The following ARID4B variants were observed in gnomAD, a reference collection of about 807,000 sequenced individuals.
The protein encoded by ARID4B is AT-rich interaction domain 4B.
A neutral mutation model predicts 147.5 loss-of-function variants in ARID4B; 26 were observed. The ratio of observed to expected loss-of-function variants is 0.18; its 90% CI spans 0.13 to 0.24. The LOEUF (loss-of-function observed/expected upper bound fraction) is 0.24. Among genes scored for constraint, ARID4B ranks in the 10% least tolerant of loss-of-function variants. ARID4B has a pLI of 1.00. For synonymous variants in ARID4B, 512 were observed against 507.9 expected, an observed-to-expected ratio of 1.01 and a Z score of -0.11; for missense variants, 1,179 against 1,511.5, an observed-to-expected ratio of 0.78 and a Z score of 3.65.
At chr1:235,255,285 C>A (rs57706087) in intron 5 of ARID4B, among the ~76,000 whole-genome samples, 5,441 of 96,988 alleles carry the variant, frequency 0.056, 134 homozygotes, top group South Asian at 0.082. Context: ...CTCTCTCTCT[C>A]TCTATATATA....
intron 2 of ARID4B, among the ~76,000 whole-genome samples, chr1:235,286,663 G>T (rs1394813068): frequency 6.6e-6 from 1 of 152,144 alleles, no homozygotes; most frequent in Non-Finnish European, 1.5e-5. Context: ...ATAGAAAGCT[G>T]CAATTATTAA....
intron 6 of ARID4B, 55 bp downstream of exon 6, chr1:235,252,675 T>C: frequency 1.3e-6 from 2 of 1,530,994 alleles, no homozygotes; most frequent in Non-Finnish European, 1.8e-6. Flanking sequence ...AGCAAAAATT[T>C]ATTCCTCCCA....
intron 2 of ARID4B, among the ~76,000 whole-genome samples, chr1:235,286,997 C>T (rs192392011): frequency 4.6e-5 from 7 of 152,270 alleles, no homozygotes; most frequent in Non-Finnish European, 7.3e-5. Flanking sequence ...CTGTGGCTCA[C>T]GCCTGTAATC....
intron 14 of ARID4B, among the ~76,000 whole-genome samples, chr1:235,221,303 T>C (rs2103025566): frequency 6.6e-6 from 1 of 152,336 alleles, no homozygotes; most frequent in Non-Finnish European, 1.5e-5. Context: ...CAAATGTGGA[T>C]TTACTTGACT....
chr1:235,325,754 A>G (rs1387960902), intron 2 of ARID4B, among the ~76,000 whole-genome samples: 2 of 152,226 alleles, frequency 1.3e-5, no homozygotes, highest in Non-Finnish European at 2.9e-5. Flanking sequence ...AAACTGTTTC[A>G]GGTAGTTTAC....
chr1:235,265,962 G>A (rs1252201337), intron 2 of ARID4B, among the ~76,000 whole-genome samples: 1 of 152,058 alleles, frequency 6.6e-6, no homozygotes. Context: ...AAATGTTTAA[G>A]TCTATATACA....
chr1:235,272,518 C>G (rs1671056083), intron 2 of ARID4B, among the ~76,000 whole-genome samples: 1 of 152,034 alleles, frequency 6.6e-6, no homozygotes, highest in African/African-American at 2.4e-5. Flanking sequence ...TCAGAAGCGT[C>G]TTATATAAAC....
At chr1:235,168,984 C>G (rs527263721) in intron 23 of ARID4B, among the ~76,000 whole-genome samples, 1 of 152,148 alleles carries the variant, frequency 6.6e-6, no homozygotes, top group Admixed American at 6.5e-5. Context: ...AAACAAGTAT[C>G]AAAACAGGAA....
intron 2 of ARID4B, among the ~76,000 whole-genome samples, chr1:235,267,907 A>G (rs537284111): frequency 4.6e-5 from 7 of 152,290 alleles, no homozygotes; most frequent in African/African-American, 7.2e-5. Flanking sequence ...TCTCAAAAAA[A>G]AAAAGAAAAG....
chr1:235,178,877 C>G lies in ARID4B; in HGVS notation c.3335-964G>C, dbSNP rs551305159. Among the ~76,000 whole-genome samples the G allele has an allele frequency of 2.6e-5, 4 of 152,026 alleles. No individual in the cohort carries two copies. The South Asian group carries it at 8.3e-4, about 32-fold the overall frequency. Reference sequence around the variant, plus strand: ...GCTTTTTTTTAATGGGTCATATAATCTTACTTACAACTTTTCCTAATACCT... The same window carrying G: ...GCTTTTTTTTAATGGGTCATATAATGTTACTTACAACTTTTCCTAATACCT... On this transcript the variant is annotated intron_variant, in intron 20 of 23. Coordinates refer to ENST00000264183, the MANE Select transcript of ARID4B (RefSeq NM_016374.6).
At chr1:235,315,665 G>T (rs1456512219) in intron 2 of ARID4B, among the ~76,000 whole-genome samples, 1 of 151,962 alleles carries the variant, frequency 6.6e-6, no homozygotes, top group African/African-American at 2.4e-5. Context: ...GAATTAGCCC[G>T]TTCTACCACC....
intron 5 of ARID4B, 111 bp from the exon 6 acceptor site, chr1:235,252,920 T>C: frequency 1.4e-6 from 1 of 729,758 alleles, no homozygotes; most frequent in Non-Finnish European, 2.2e-6. Flanking sequence ...TAAGACTACA[T>C]TTGGAATTCA....
chr1:235,241,217 C>T (rs1306057589), intron 7 of ARID4B, among the ~76,000 whole-genome samples: 2 of 152,000 alleles, frequency 1.3e-5, no homozygotes, highest in Non-Finnish European at 2.9e-5. Context: ...AGAAAATGCC[C>T]AGAATGAGTA....
In ARID4B at chr1:235,236,833, A is replaced by AAAAAATATAT. The variant is rs1175189621; in HGVS notation, c.586-2342_586-2341insATATATTTTT. On this transcript the variant is annotated intron_variant, in intron 8 of 23. Transcript: ENST00000264183. ...TGGCCCACAAAACGGTTTTATAAAA[A>AAAAAATATAT]ATATATATATATATATATATATATA... Among the ~76,000 whole-genome samples the AAAAAATATAT allele has an allele frequency of 3.9e-4, 13 of 33,508 alleles. No individual in the cohort carries two copies. In the East Asian group the frequency reaches 4.5e-3, roughly 12 times the overall value. 22.0% of individuals were successfully genotyped at this position (33,508 alleles called of 152,430 possible). A position where few individuals can be genotyped will look rare whatever the true frequency, so the allele number is the denominator to read the frequency against.
chr1:235,281,795 G>A (rs1301234226), intron 2 of ARID4B, among the ~76,000 whole-genome samples: 1 of 152,188 alleles, frequency 6.6e-6, no homozygotes, highest in African/African-American at 2.4e-5. Flanking sequence ...GCAATTCTTA[G>A]GGAGGCTGGT....
At chr1:235,173,588 G>C (rs867330694) in intron 22 of ARID4B, among the ~76,000 whole-genome samples, 2 of 147,900 alleles carry the variant, frequency 1.4e-5, no homozygotes, top group African/African-American at 5.0e-5. Context: ...AAAAACTCTA[G>C]AGTAGTATTA....
chr1:235,206,360 G>C (rs1666307944), intron 17 of ARID4B, among the ~76,000 whole-genome samples: 1 of 152,110 alleles, frequency 6.6e-6, no homozygotes. Flanking sequence ...CAGAGTCCTA[G>C]GTGAAAGTTA....
At chr1:235,190,617 C>T (rs1665028194) in intron 19 of ARID4B, among the ~76,000 whole-genome samples, 2 of 152,126 alleles carry the variant, frequency 1.3e-5, no homozygotes, top group African/African-American at 2.4e-5. Flanking sequence ...GAAGGAAAAA[C>T]TTCCAATCCA....
intron 7 of ARID4B, among the ~76,000 whole-genome samples, chr1:235,245,898 G>A (rs555803463): frequency 7.0e-4 from 107 of 152,298 alleles, no homozygotes; most frequent in African/African-American, 2.3e-3. Context: ...CAGCAAGGAA[G>A]TGGCAGAGCC....
Sources: gnomAD v4.1 joint callset for allele counts (sites outside exome capture counted in the v4.1 genomes callset) on GRCh38, gnomAD v4.1.1 for gene constraint, MANE v1.5 for transcripts, NCBI Gene and HGNC (gene_info 2026-07-23, HGNC 2026-07-21) for gene names.